NELL1: variants seen among roughly 807,000 people sequenced by gnomAD.
NELL1 encodes neural EGFL like 1.
A neutral mutation model predicts 107.4 loss-of-function variants in NELL1; 76 were observed. That is an observed-to-expected ratio of 0.71 (90% confidence interval 0.59 to 0.86). NELL1 has a LOEUF of 0.86. NELL1 is among the 40% of genes least tolerant of loss of function. NELL1 has a pLI of 0.00. For missense variants in NELL1, 1,024 were observed against 1,005.5 expected (o/e 1.02, Z -0.25); for synonymous variants, 353 against 341.2 (o/e 1.03, Z -0.38).
At chr11:21,290,547 G>A (rs531288254) in intron 14 of NELL1, among the ~76,000 whole-genome samples, 1 of 152,222 alleles carries the variant, frequency 6.6e-6, no homozygotes, top group East Asian at 1.9e-4. Flanking sequence ...CCTCCAGACT[G>A]GGAGACACAT....
At chr11:21,153,397 G>T (rs549489313) in intron 13 of NELL1, among the ~76,000 whole-genome samples, 1 of 152,030 alleles carries the variant, frequency 6.6e-6, no homozygotes, top group South Asian at 2.1e-4. Flanking sequence ...TTTTATGGGG[G>T]CGTGTAGAAC....
intron 14 of NELL1, among the ~76,000 whole-genome samples, chr11:21,325,593 AT>A (rs1565168836): frequency 4.0e-5 from 6 of 151,862 alleles, no homozygotes; most frequent in Admixed American, 2.6e-4. Context: ...GGTCCTTTGC[AT>A]TTTTTTAATA....
chr11:21,297,060 A>C (rs1024314600), intron 14 of NELL1, among the ~76,000 whole-genome samples: 1 of 151,624 alleles, frequency 6.6e-6, no homozygotes, highest in East Asian at 1.9e-4. Context: ...TTATATTTGG[A>C]ATTTATTTCT....
chr11:20,905,297 C>G (rs1849970615), intron 5 of NELL1, among the ~76,000 whole-genome samples: 1 of 152,028 alleles, frequency 6.6e-6, no homozygotes, highest in Non-Finnish European at 1.5e-5. Context: ...CTCAGCAAAC[C>G]CCAGTAAAGG....
intron 5 of NELL1, among the ~76,000 whole-genome samples, chr11:20,890,985 A>G (rs961263037): frequency 2.0e-5 from 3 of 152,158 alleles, no homozygotes; most frequent in Non-Finnish European, 4.4e-5. Context: ...ACAGGCCAAC[A>G]TGCAAATTCA....
chr11:20,890,320 A>G (rs184829998), intron 5 of NELL1, among the ~76,000 whole-genome samples: 106 of 152,290 alleles, frequency 7.0e-4, no homozygotes, highest in African/African-American at 2.2e-3. Context: ...AGCATCATCA[A>G]TGACAACAAA....
Position 20,927,419 on chromosome 11 carries a change from C to A in NELL1, c.871C>A (p.His291Asn). ...RDQDSWVDGD[H>N]CRNCTCKSGA... The stretch of plus-strand genomic sequence containing the variant: ...TCAAGACTCTTGGGTAGATGGTGAC[C>A]ATTGCAGGAACTGCACTTGCAAAGT... Residue 291 changes from histidine to asparagine, a missense_variant, in exon 8 of 20, where the codon CAT becomes AAT. Physicochemically the swap from His to Asn is moderately conservative, Grantham distance 68. Coordinates refer to ENST00000357134, the MANE Select transcript of NELL1 (RefSeq NM_006157.5). The A allele has an allele frequency of 1.2e-6, 2 of 1,611,148 alleles. No individual in the cohort carries two copies. Among genetic ancestry groups the A allele is most frequent in the Non-Finnish European group, 1.7e-6 (2 of 1,179,416 alleles).
chr11:21,002,654 A>T (rs990988594), intron 12 of NELL1, among the ~76,000 whole-genome samples: 4 of 152,160 alleles, frequency 2.6e-5, no homozygotes, highest in African/African-American at 9.7e-5. Context: ...TGGCAGAAAG[A>T]GGTTCTCTTG....
chr11:21,184,313 G>T (rs1194527877), intron 13 of NELL1, among the ~76,000 whole-genome samples: 1 of 151,592 alleles, frequency 6.6e-6, no homozygotes, highest in African/African-American at 2.4e-5. Flanking sequence ...TTTTCACCCA[G>T]GCTGGAGTGC....
At chr11:21,134,637 A>G (rs1855703012) in intron 13 of NELL1, among the ~76,000 whole-genome samples, 1 of 152,198 alleles carries the variant, frequency 6.6e-6, no homozygotes, top group South Asian at 2.1e-4. Context: ...TGGAAGAGAC[A>G]GAATCCCTGT....
chr11:21,433,198 C>A (rs558901401), intron 15 of NELL1, among the ~76,000 whole-genome samples: 1 of 152,306 alleles, frequency 6.6e-6, no homozygotes, highest in East Asian at 1.9e-4. Flanking sequence ...CATATTGCCA[C>A]AAATGACAGG....
chr11:20,833,550 T>C (rs1261829386), intron 3 of NELL1, among the ~76,000 whole-genome samples: 4 of 152,124 alleles, frequency 2.6e-5, no homozygotes, highest in Non-Finnish European at 5.9e-5. Flanking sequence ...GATAACATGG[T>C]GAGAAAAACA....
chr11:20,762,916 C>T (rs1026025677), intron 2 of NELL1, among the ~76,000 whole-genome samples: 4 of 151,906 alleles, frequency 2.6e-5, no homozygotes, highest in Admixed American at 2.6e-4. Context: ...GACAGCAGCA[C>T]GGGGTTGAAG....
chr11:20,962,587 T>G (rs1265109894), intron 12 of NELL1, among the ~76,000 whole-genome samples: 1 of 152,212 alleles, frequency 6.6e-6, no homozygotes, highest in East Asian at 1.9e-4. Context: ...ATTCTTTGAT[T>G]CATTTCTCAT....
chr11:20,941,557 C>T (rs1373753664), intron 10 of NELL1, among the ~76,000 whole-genome samples: 1 of 152,092 alleles, frequency 6.6e-6, no homozygotes, highest in Non-Finnish European at 1.5e-5. Flanking sequence ...TCACCATTCC[C>T]ACTGCAACAT....
chr11:21,187,695 T>C (rs1856963921), intron 13 of NELL1, among the ~76,000 whole-genome samples: 2 of 151,834 alleles, frequency 1.3e-5, no homozygotes, highest in African/African-American at 4.9e-5. Flanking sequence ...AGACATCCTG[T>C]GTCTGCCCTT....
intron 13 of NELL1, among the ~76,000 whole-genome samples, chr11:21,115,262 T>C (rs749397769): frequency 2.0e-5 from 3 of 151,858 alleles, no homozygotes; most frequent in Non-Finnish European, 4.4e-5. Flanking sequence ...TGGGTATCAG[T>C]GGGCACCCAA....
intron 14 of NELL1, among the ~76,000 whole-genome samples, chr11:21,347,979 T>A (rs1166477946): frequency 6.6e-6 from 1 of 152,100 alleles, no homozygotes; most frequent in Non-Finnish European, 1.5e-5. Context: ...GAATGGAGGA[T>A]AAAGCTTTGG....
chr11:20,730,869 C>T (rs1855623280), intron 2 of NELL1, among the ~76,000 whole-genome samples: 1 of 152,114 alleles, frequency 6.6e-6, no homozygotes, highest in Non-Finnish European at 1.5e-5. Flanking sequence ...GGAAGAACTT[C>T]CTAACTTCAA....
Sources: gnomAD v4.1 joint callset for allele counts (sites outside exome capture counted in the v4.1 genomes callset) on GRCh38, gnomAD v4.1.1 for gene constraint, MANE v1.5 for transcripts, NCBI Gene and HGNC (gene_info 2026-07-23, HGNC 2026-07-21) for gene names.